TENM3: variants seen among roughly 807,000 people sequenced by gnomAD.
The protein encoded by TENM3 is teneurin-3.
TENM3 carries 63 observed loss-of-function variants against 255.1 expected under a neutral mutation model. The observed-to-expected ratio is 0.25, with a 90% CI of 0.20 to 0.30. TENM3 has a LOEUF of 0.30. TENM3 is among the 10% of genes least tolerant of loss of function. The pLI is 1.00. For synonymous variants in TENM3, 1,306 were observed against 1,322.3 expected (o/e 0.99, Z 0.27); for missense variants, 2,929 against 3,461.1 (o/e 0.85, Z 3.86).
At chr4:181,607,484 G>A in the TENM3 span, among the ~76,000 whole-genome samples, 5 of 150,818 alleles carry the variant, frequency 3.3e-5, no homozygotes, top group Admixed American at 1.3e-4. Context: ...GCACGATCTC[G>A]GCTCACTGCA....
chr4:181,701,131 T>C, the TENM3 span, among the ~76,000 whole-genome samples: 1 of 152,262 alleles, frequency 6.6e-6, no homozygotes, highest in East Asian at 1.9e-4. Context: ...GGGCACTTAG[T>C]ATTCTCGTTG....
the TENM3 span, among the ~76,000 whole-genome samples, chr4:181,898,964 T>C: frequency 6.6e-6 from 1 of 152,178 alleles, no homozygotes; most frequent in Non-Finnish European, 1.5e-5. Context: ...CTTTAATGTA[T>C]TATTTAACTT....
the TENM3 span, among the ~76,000 whole-genome samples, chr4:181,628,983 C>T: frequency 1.3e-5 from 2 of 152,100 alleles, no homozygotes; most frequent in Non-Finnish European, 2.9e-5. Context: ...AATGGTCTTC[C>T]ATTTCTTTGT....
chr4:181,681,972 T>A, the TENM3 span, among the ~76,000 whole-genome samples: 127 of 152,250 alleles, frequency 8.3e-4, no homozygotes, highest in Middle Eastern at 0.01. Flanking sequence ...GAAAGCTTGA[T>A]GCCATTGCTA....
chr4:181,565,954 G>A, the TENM3 span, among the ~76,000 whole-genome samples: 1 of 152,108 alleles, frequency 6.6e-6, no homozygotes, highest in Non-Finnish European at 1.5e-5. Context: ...TTTAAAGTGA[G>A]ACAGAAATTA....
the TENM3 span, among the ~76,000 whole-genome samples, chr4:181,849,949 T>TCTCTCTCACACACACA: frequency 0.059 from 3,912 of 65,886 alleles, 213 homozygotes; most frequent in Non-Finnish European, 0.081. Flanking sequence ...TCTCTCTCTC[T>TCTCTCTCACACACACA]CACACACACA....
At chr4:181,524,054 A>G in the TENM3 span, among the ~76,000 whole-genome samples, 2 of 152,162 alleles carry the variant, frequency 1.3e-5, no homozygotes, top group Non-Finnish European at 2.9e-5. Context: ...TAGAAGACAA[A>G]GGTGACTAGC....
chr4:182,388,014 A>G (rs887675772), intron 3 of TENM3, among the ~76,000 whole-genome samples: 9 of 151,696 alleles, frequency 5.9e-5, no homozygotes, highest in Admixed American at 5.2e-4. Context: ...CTCCATGGTT[A>G]AGCAAACGTG....
chr4:181,801,960 A>AT, the TENM3 span, among the ~76,000 whole-genome samples: 3 of 151,880 alleles, frequency 2.0e-5, no homozygotes, highest in African/African-American at 4.8e-5. Context: ...GCCCAAGCAG[A>AT]TTTTTTTTAA....
At chr4:181,522,346 C>G in the TENM3 span, among the ~76,000 whole-genome samples, 1 of 152,042 alleles carries the variant, frequency 6.6e-6, no homozygotes, top group East Asian at 1.9e-4. Flanking sequence ...TATCTGTTCT[C>G]AAGCTTCTAA....
At chr4:182,670,738 A>G (rs889758299) in intron 6 of TENM3, among the ~76,000 whole-genome samples, 1 of 152,152 alleles carries the variant, frequency 6.6e-6, no homozygotes, top group South Asian at 2.1e-4. Context: ...TTCAGATCCT[A>G]TAGGCCATAA....
the TENM3 span, among the ~76,000 whole-genome samples, chr4:181,543,254 G>A: frequency 6.6e-6 from 1 of 152,062 alleles, no homozygotes; most frequent in Non-Finnish European, 1.5e-5. Flanking sequence ...CTTGAGACTG[G>A]GGATCTTTGG....
In TENM3 at chr4:182,776,138, G is replaced by A. The variant is rs138834964; in HGVS notation, c.5304+985G>A. Among the ~76,000 whole-genome samples the A allele has an allele frequency of 6.7e-3, 1,019 of 152,230 alleles. 7 individuals are homozygous for A. Among genetic ancestry groups the A allele is most frequent in the Non-Finnish European group, 9.4e-3 (640 of 68,018 alleles). On this transcript the variant is annotated intron_variant, in intron 24 of 27. Coordinates refer to ENST00000511685, the MANE Select transcript of TENM3 (RefSeq NM_001080477.4). ...AAAGTACTTTGAAAATAGGCTGGGC[G>A]TTGGTGGTTCACGCCTGTAATCCCA...
the TENM3 span, among the ~76,000 whole-genome samples, chr4:181,597,281 A>C: frequency 0.014 from 2,116 of 152,298 alleles, 31 homozygotes; most frequent in Non-Finnish European, 0.017. Context: ...TAAGTCACTT[A>C]ACTCTAAATC....
chr4:181,962,075 G>C, the TENM3 span, among the ~76,000 whole-genome samples: 317 of 152,242 alleles, frequency 2.1e-3, 1 homozygote, highest in African/African-American at 7.1e-3. Flanking sequence ...TCATAACTGT[G>C]TTATCACTTA....
intron 12 of TENM3, among the ~76,000 whole-genome samples, chr4:182,712,592 A>G (rs1758829352): frequency 6.6e-6 from 1 of 152,212 alleles, no homozygotes; most frequent in Non-Finnish European, 1.5e-5. Flanking sequence ...GTACTCTTCC[A>G]TGAGAGACAG....
the TENM3 span, among the ~76,000 whole-genome samples, chr4:181,836,937 A>T: frequency 6.6e-6 from 1 of 152,140 alleles, no homozygotes; most frequent in Non-Finnish European, 1.5e-5. Flanking sequence ...ATCTGTTAAT[A>T]AAGTTTTATG....
At chr4:181,924,868 G>A in the TENM3 span, among the ~76,000 whole-genome samples, 6 of 152,142 alleles carry the variant, frequency 3.9e-5, no homozygotes, top group Admixed American at 3.9e-4. Context: ...ACATGTCAAG[G>A]AGTTACCTCA....
At chr4:182,629,375 C>T (rs1227286244) in intron 5 of TENM3, among the ~76,000 whole-genome samples, 1 of 152,058 alleles carries the variant, frequency 6.6e-6, no homozygotes, top group Non-Finnish European at 1.5e-5. Flanking sequence ...AACTGGGCGT[C>T]CATAAAGCAA....
Sources: gnomAD v4.1 joint callset for allele counts (sites outside exome capture counted in the v4.1 genomes callset) on GRCh38, gnomAD v4.1.1 for gene constraint, MANE v1.5 for transcripts, NCBI Gene and HGNC (gene_info 2026-07-23, HGNC 2026-07-21) for gene names.